The following KSR2 variants were observed in gnomAD, a reference collection of about 807,000 sequenced individuals.
The protein encoded by KSR2 is kinase suppressor of ras 2.
Under a neutral mutation model 107.8 loss-of-function variants are expected in KSR2, and 25 were observed. The observed-to-expected ratio is 0.23, with a 90% confidence interval of 0.17 to 0.32. KSR2 has a LOEUF of 0.32. Ranked by LOEUF, KSR2 falls within the 10% of genes least tolerant of loss-of-function variation. KSR2 has a pLI of 1.00. For missense variants in KSR2, 887 were observed against 1,268.9 expected (o/e 0.70, Z 4.57); for synonymous variants, 480 against 507.0 (o/e 0.95, Z 0.71).
intron 1 of KSR2, among the ~76,000 whole-genome samples, chr12:117,918,514 C>T (rs536107607): frequency 1.7e-4 from 26 of 152,262 alleles, no homozygotes; most frequent in African/African-American, 6.3e-4. Context: ...CTTGGCCAGG[C>T]GCGGTGGCTC....
At chr12:117,921,816 G>A (rs937233625) in intron 1 of KSR2, among the ~76,000 whole-genome samples, 6 of 152,072 alleles carry the variant, frequency 3.9e-5, no homozygotes, top group South Asian at 2.1e-4. Context: ...TTTCCATCCC[G>A]GATAATATCA....
intron 1 of KSR2, among the ~76,000 whole-genome samples, chr12:117,881,879 TTGAGGTTG>T (rs1894038023): frequency 6.6e-6 from 1 of 152,216 alleles, no homozygotes. Flanking sequence ...TTAATATTTC[TTGAGGTTG>T]TGAGAAGAGA....
At chr12:117,710,838 A>C (rs1379149673) in intron 4 of KSR2, among the ~76,000 whole-genome samples, 1 of 151,960 alleles carries the variant, frequency 6.6e-6, no homozygotes, top group Non-Finnish European at 1.5e-5. Flanking sequence ...TTCCTCCCTC[A>C]CCATGTTTCA....
chr12:117,757,619 A>C (rs927374950), intron 4 of KSR2, among the ~76,000 whole-genome samples: 8 of 152,224 alleles, frequency 5.3e-5, no homozygotes, highest in African/African-American at 1.9e-4. Context: ...AATCAGCCCA[A>C]CTTTCAGCTA....
At chr12:117,477,046 T>C (rs550322578) in intron 16 of KSR2, among the ~76,000 whole-genome samples, 5 of 152,316 alleles carry the variant, frequency 3.3e-5, no homozygotes, top group Admixed American at 2.0e-4. Context: ...TAATAGACTA[T>C]GGGGCTCAGA....
intron 14 of KSR2, among the ~76,000 whole-genome samples, chr12:117,491,241 G>A (rs568231124): frequency 3.8e-4 from 58 of 152,082 alleles, no homozygotes; most frequent in Admixed American, 8.5e-4. Context: ...GTGCAGTGGC[G>A]CCATCTCAGC....
intron 3 of KSR2, among the ~76,000 whole-genome samples, chr12:117,769,787 C>T (rs915271272): frequency 6.6e-6 from 1 of 152,106 alleles, no homozygotes; most frequent in African/African-American, 2.4e-5. Flanking sequence ...GGTGCGGTGG[C>T]TCACACCTGT....
At chr12:117,474,629 C>A (rs992555635) in intron 17 of KSR2, among the ~76,000 whole-genome samples, 5 of 152,128 alleles carry the variant, frequency 3.3e-5, no homozygotes, top group African/African-American at 9.7e-5. Context: ...AGCCTAGAAG[C>A]CTTTCTGGCT....
At chr12:117,831,856 G>A (rs1891983185) in intron 3 of KSR2, among the ~76,000 whole-genome samples, 1 of 152,204 alleles carries the variant, frequency 6.6e-6, no homozygotes, top group East Asian at 1.9e-4. Context: ...GGTTAAAGCT[G>A]AATGCATAGG....
At chr12:117,711,550 G>A (rs1428866255) in intron 4 of KSR2, among the ~76,000 whole-genome samples, 1 of 152,212 alleles carries the variant, frequency 6.6e-6, no homozygotes, top group Admixed American at 6.5e-5. Context: ...AGATGGAGTT[G>A]AAATAGATTT....
chr12:117,866,800 G>A (rs940086123), intron 1 of KSR2, among the ~76,000 whole-genome samples: 11 of 151,824 alleles, frequency 7.2e-5, no homozygotes, highest in Admixed American at 2.6e-4. Context: ...TTGCAGTCCA[G>A]CCTGGGCAAC....
intron 3 of KSR2, among the ~76,000 whole-genome samples, chr12:117,785,144 A>G (rs1440309760): frequency 6.6e-6 from 1 of 152,184 alleles, no homozygotes; most frequent in Non-Finnish European, 1.5e-5. Context: ...GCTGGGCATG[A>G]TGGCTCACGC....
chr12:117,453,481 C>G lies in KSR2; in HGVS notation c.*13718G>C, dbSNP rs2137082242. On this transcript the variant is annotated 3_prime_UTR_variant, in exon 20 of 20. Coordinates refer to ENST00000339824, the MANE Select transcript of KSR2 (RefSeq NM_173598.6). ...CAAACATGGAGAAAAGAATATGGAC[C>G]ATCGGTCCGCGTTGGTCTGTACAAG... The G allele has an allele frequency of 6.6e-6, 1 of 152,604 alleles. No individual in the cohort carries two copies. Among genetic ancestry groups the G allele is most frequent in the Admixed American group, 6.5e-5 (1 of 15,284 alleles). 9.5% of individuals were successfully genotyped at this position (152,604 alleles called of 1,614,324 possible).
intron 3 of KSR2, among the ~76,000 whole-genome samples, chr12:117,825,789 T>A (rs1488425458): frequency 5.9e-5 from 9 of 152,034 alleles, no homozygotes. Context: ...AGTGTCTATA[T>A]ATTAGATGGA....
At chr12:117,577,474 C>T (rs1304310342) in intron 7 of KSR2, among the ~76,000 whole-genome samples, 1 of 152,142 alleles carries the variant, frequency 6.6e-6, no homozygotes, top group Non-Finnish European at 1.5e-5. Context: ...TTATCAAATG[C>T]TCACTGCCAC....
At chr12:117,555,100 C>T in intron 9 of KSR2, 69 bp downstream of exon 9, 1 of 1,598,046 alleles carries the variant, frequency 6.3e-7, no homozygotes, top group Non-Finnish European at 8.6e-7. Flanking sequence ...ATCAACCCTT[C>T]CTCCCTCCTA....
At chr12:117,546,997 T>C (rs2137306890) in intron 9 of KSR2, among the ~76,000 whole-genome samples, 1 of 152,364 alleles carries the variant, frequency 6.6e-6, no homozygotes, top group Non-Finnish European at 1.5e-5. Flanking sequence ...CAATGGCTTC[T>C]ATTGATTGTC....
chr12:117,918,924 G>GAAACACA (rs1427803074), intron 1 of KSR2, among the ~76,000 whole-genome samples: 5 of 152,088 alleles, frequency 3.3e-5, no homozygotes, highest in African/African-American at 1.2e-4. Context: ...GGACAACATG[G>GAAACACA]AAACACAGCC....
chr12:117,525,227 C>A lies in KSR2; in HGVS notation c.1852-8G>T, dbSNP rs375107117. The stretch of plus-strand genomic sequence containing the variant: ...ATCATGGACCTCTTCATTCTGTGGC[C>A]GGAGTGGGAGAGAGGTCAGAATTGT... On this transcript the variant is annotated splice_region_variant and splice_polypyrimidine_tract_variant and intron_variant, in intron 13 of 19. Coordinates refer to ENST00000339824, the MANE Select transcript of KSR2 (RefSeq NM_173598.6). 4.4e-6 allele frequency: 7 copies of A among 1,579,710 alleles called. No individual in the cohort carries two copies. In the African/African-American group the frequency reaches 9.4e-5, roughly 21 times the overall value.
Sources: allele counts gnomAD v4.1 joint callset (sites outside exome capture counted in the v4.1 genomes callset), GRCh38; gene constraint gnomAD v4.1.1; transcripts MANE v1.5; gene names NCBI Gene and HGNC (gene_info 2026-07-23, HGNC 2026-07-21).